REEP4: variants seen among roughly 807,000 people sequenced by gnomAD.
REEP4 encodes the protein receptor expression-enhancing protein 4.
In REEP4, 17 loss-of-function variants were observed where a neutral mutation model predicts 33.5. The observed-to-expected ratio is 0.51, with a 90% CI of 0.35 to 0.76. REEP4 has a LOEUF of 0.76. Among genes scored for constraint, REEP4 ranks in the 30% least tolerant of loss-of-function variants. The pLI, the probability that REEP4 is intolerant of heterozygous loss-of-function variation, is 0.01. For synonymous variants in REEP4, 157 were observed against 142.9 expected, an observed-to-expected ratio of 1.10 and a Z score of -0.70; for missense variants, 340 against 357.9, an observed-to-expected ratio of 0.95 and a Z score of 0.40.
chr8:22,138,484 A>T lies in REEP4; in HGVS notation c.*3T>A. 6.2e-7 allele frequency: 1 copy of T among 1,613,326 alleles called. No individual in the cohort carries two copies. Among genetic ancestry groups the T allele is most frequent in the Non-Finnish European group, 8.5e-7 (1 of 1,180,014 alleles). On this transcript the variant is annotated 3_prime_UTR_variant, in exon 8 of 8. Coordinates refer to ENST00000306306, the MANE Select transcript of REEP4 (RefSeq NM_025232.4). ...GGTAAGAAGGGGGCAGATGCAGCAG[A>T]CCCTAGCTGTCCACGTCTGAGGGCA...
chr8:22,139,412 G>A lies in REEP4; in HGVS notation c.417+4C>T. On this transcript the variant is annotated splice_donor_region_variant and intron_variant, in intron 5 of 7. Transcript: ENST00000306306. ...GCTGCTGGAGGGCTGGGGGCCCAGA[G>A]CACCTTGGTGGCAGCCTGCACAGCA... is the stretch of plus-strand genomic sequence containing the variant. 1 of 1,601,226 alleles carries A rather than the reference G, an allele frequency of 6.2e-7. No homozygotes were observed. Among genetic ancestry groups the A allele is most frequent in the East Asian group, 2.2e-5 (1 of 44,858 alleles).
chr8:22,139,238 C>T, intron 5 of REEP4, 177 bp from the exon 6 acceptor site: 1 of 995,570 alleles, frequency 1.0e-6, no homozygotes, highest in Non-Finnish European at 1.5e-6. Context: ...ACGCTCAGTG[C>T]CAGAGCCAGG....
At chr8:22,139,702 T>C (rs1827195680) in intron 4 of REEP4, 173 bp from the exon 5 acceptor site, 1 of 675,834 alleles carries the variant, frequency 1.5e-6, no homozygotes, top group Non-Finnish European at 2.5e-6. Context: ...TGCCACCCGC[T>C]CACACCTCCA....
chr8:22,138,826 G>A, intron 6 of REEP4, 33 bp from the exon 7 acceptor site: 2 of 1,575,152 alleles, frequency 1.3e-6, no homozygotes, highest in Admixed American at 2.0e-5. Context: ...CTGAAAGCCT[G>A]CGACCAGGCC....
Position 22,141,611 on chromosome 8 carries a change from G to T in REEP4, c.-129C>A. 1.0e-6 allele frequency: 1 copy of T among 973,202 alleles called. No individual in the cohort carries two copies. The highest frequency in any genetic ancestry group is 1.8e-5 in the South Asian group (1 of 55,326). 60.3% of individuals were successfully genotyped at this position (973,202 alleles called of 1,614,324 possible). A position where few individuals can be genotyped will look rare whatever the true frequency, so the allele number is the denominator to read the frequency against. Reference sequence around the variant, plus strand: ...AGGGGCGATCCGGCTGTCCCTCGGCGGAGGCAGAGCCCGCCGCCCACGGCC... The same window carrying T: ...AGGGGCGATCCGGCTGTCCCTCGGCTGAGGCAGAGCCCGCCGCCCACGGCC... On this transcript the variant is annotated 5_prime_UTR_variant, in exon 1 of 8. Coordinates refer to ENST00000306306, the MANE Select transcript of REEP4 (RefSeq NM_025232.4).
At chr8:22,139,586 G>A (rs1827193840) in intron 4 of REEP4, 57 bp from the exon 5 acceptor site, 4 of 1,395,340 alleles carry the variant, frequency 2.9e-6, no homozygotes, top group Non-Finnish European at 3.0e-6. Context: ...CTCTTCCTCT[G>A]CAGATTCTGA....
intron 4 of REEP4, 93 bp from the exon 5 acceptor site, chr8:22,139,622 A>T: frequency 9.9e-7 from 1 of 1,008,264 alleles, no homozygotes; most frequent in Non-Finnish European, 1.4e-6. Context: ...GGCGCCACCC[A>T]GCCCAGCCCA....
In REEP4 at chr8:22,139,925, C is replaced by T. The variant is rs1370996005; in HGVS notation, c.303+38G>A. The T allele has an allele frequency of 3.2e-6, 5 of 1,555,434 alleles. 1 individual carries two copies. In the South Asian group the frequency reaches 3.5e-5, roughly 11 times the overall value. ...GGTCCAGGGCTCTTTCCCTCATACC[C>T]ACCCCTAAGCCTCCCTTCCCGCTTC... On this transcript the variant is annotated intron_variant, in intron 4 of 7. Transcript: ENST00000306306.
At chr8:22,140,382 G>A (rs1412296900) in intron 2 of REEP4, 134 bp from the exon 3 acceptor site, 2 of 970,276 alleles carry the variant, frequency 2.1e-6, no homozygotes, top group Non-Finnish European at 3.2e-6. Context: ...CTGGACAGGA[G>A]CTCTGAGAAA....
chr8:22,141,319 C>T (rs1827226732), intron 1 of REEP4, 132 bp downstream of exon 1: 1 of 1,097,706 alleles, frequency 9.1e-7, no homozygotes, highest in Admixed American at 2.6e-5. Context: ...CCCACAGGTC[C>T]GTTAACCCTT....
chr8:22,141,891 G>C lies in REEP4; in HGVS notation c.-409C>G, dbSNP rs1725224247. ...GGCGGAGTTCGCAACTCACTTGAAA[G>C]TTGCACGGAACCGAGTGCTGCCCAA... On this transcript the variant is annotated 5_prime_UTR_variant, in exon 1 of 8. Transcript: ENST00000306306. 5.1e-6 allele frequency: 1 copy of C among 195,716 alleles called. No individual in the cohort carries two copies. Among genetic ancestry groups the C allele is most frequent in the Non-Finnish European group, 1.0e-5 (1 of 96,512 alleles). 12.1% of individuals were successfully genotyped at this position (195,716 alleles called of 1,614,324 possible). A position where few individuals can be genotyped will look rare whatever the true frequency, so the allele number is the denominator to read the frequency against.
intron 4 of REEP4, 54 bp from the exon 5 acceptor site, chr8:22,139,583 T>G: frequency 7.2e-7 from 1 of 1,396,496 alleles, no homozygotes; most frequent in Non-Finnish European, 9.8e-7. Context: ...TCCCTCTTCC[T>G]CTGCAGATTC....
intron 5 of REEP4, 119 bp downstream of exon 5, chr8:22,139,297 A>T (rs1169015669): frequency 2.1e-6 from 2 of 956,916 alleles, no homozygotes; most frequent in Non-Finnish European, 1.6e-6. Context: ...CCCCCCCGTC[A>T]CCTTCTCACC....
chr8:22,138,281 G>T lies in REEP4; in HGVS notation c.*206C>A. 1.4e-6 allele frequency: 1 copy of T among 712,100 alleles called. No individual in the cohort carries two copies. The highest frequency in any genetic ancestry group is 2.5e-6 in the Non-Finnish European group (1 of 396,738). 44.1% of individuals were successfully genotyped at this position (712,100 alleles called of 1,614,324 possible). On this transcript the variant is annotated 3_prime_UTR_variant, in exon 8 of 8. Transcript: ENST00000306306. The stretch of plus-strand genomic sequence containing the variant: ...AGCAAGGCAATAAATAGAACCCTGG[G>T]CCCAGCCTGCTTTGGTACATTGTGG...
chr8:22,140,743 C>T, intron 1 of REEP4, 46 bp from the exon 2 acceptor site: 1 of 1,533,504 alleles, frequency 6.5e-7, no homozygotes, highest in East Asian at 2.3e-5. Context: ...ATGCCCCACT[C>T]CCACCTTGCC....
At chr8:22,139,243 G>T in intron 5 of REEP4, 173 bp downstream of exon 5, 2 of 982,386 alleles carry the variant, frequency 2.0e-6, no homozygotes, top group African/African-American at 1.6e-5. Flanking sequence ...CAGTGCCAGA[G>T]CCAGGAAGGA....
At chr8:22,139,114 C>A (rs1384088719) in intron 5 of REEP4, 53 bp from the exon 6 acceptor site, 3 of 1,554,116 alleles carry the variant, frequency 1.9e-6, no homozygotes, top group East Asian at 2.3e-5. Context: ...TATTGGCCAA[C>A]CAGCTAATCA....
rs1213378769 is a variant in REEP4, at chr8:22,138,962, G to C, written c.517C>G (p.Leu173Val). 4 of 1,607,776 alleles carry C rather than the reference G, an allele frequency of 2.5e-6. No individual in the cohort carries two copies. Among genetic ancestry groups the C allele is most frequent in the Non-Finnish European group, 3.4e-6 (4 of 1,177,328 alleles). Residue 173 changes from leucine (L) to valine (V), a missense_variant, in exon 6 of 8, where the codon CTG becomes GTG. Coordinates refer to ENST00000306306, the MANE Select transcript of REEP4 (RefSeq NM_025232.4). ...PAPAYHDPLY[L>V]EDQVSHRRPP... ...CTCCGGTGGGACACCTGGTCCTCCA[G>C]GTAGAGGGGGTCATGGTAGGCAGGG...
intron 4 of REEP4, 74 bp from the exon 5 acceptor site, chr8:22,139,603 A>ACCCAGAAT: frequency 7.7e-7 from 1 of 1,290,954 alleles, no homozygotes; most frequent in Non-Finnish European, 1.1e-6. Context: ...CTGAGAAGCC[A>ACCCAGAAT]CTGGTTGTGG....
Sources: allele counts gnomAD v4.1 joint callset, GRCh38; gene constraint gnomAD v4.1.1; transcripts MANE v1.5; gene names NCBI Gene and HGNC (gene_info 2026-07-23, HGNC 2026-07-21).